The following TYW1 variants were observed in gnomAD, a reference collection of about 807,000 sequenced individuals.
TYW1 encodes the protein S-adenosyl-L-methionine-dependent tRNA 4-demethylwyosine synthase TYW1.
Under a neutral mutation model 96.2 loss-of-function variants are expected in TYW1, and 46 were observed. The observed-to-expected ratio is 0.48, with a 90% CI of 0.38 to 0.61. TYW1 has a LOEUF of 0.61. TYW1 is among the 20% of genes least tolerant of loss of function. The probability of loss-of-function intolerance (pLI) is 0.00; values close to 1 mark genes in which losing one functional copy is unlikely to be tolerated. For missense variants in TYW1, 684 were observed against 909.6 expected (o/e 0.75, Z 3.19); for synonymous variants, 274 against 323.0 (o/e 0.85, Z 1.63).
At position 67,051,923 on chromosome 7, in the gene TYW1, A is replaced by G. The variant is rs537260358; in HGVS notation, c.1102+1857A>G. Among the ~76,000 whole-genome samples, 43 of 152,184 alleles carry G rather than the reference A, an allele frequency of 2.8e-4. No homozygotes were observed. The South Asian group carries it at 8.7e-3, about 31-fold the overall frequency. The stretch of plus-strand genomic sequence containing the variant: ...AATTTTTTGCTGGATATAGAATTGT[A>G]GGTTGACAGCTGTTTTTTCCTTCAG... On this transcript the variant is annotated intron_variant, in intron 8 of 15. Transcript: ENST00000359626.
chr7:67,186,169 A>G (rs1338329630), intron 14 of TYW1, among the ~76,000 whole-genome samples: 1 of 145,288 alleles, frequency 6.9e-6, no homozygotes, highest in Non-Finnish European at 1.5e-5. Flanking sequence ...TGATTTAGCT[A>G]TTAAAGAATG....
rs1330727116 is a variant in TYW1 at position 67,204,687 on chromosome 7, G to A, written c.1977+9350G>A. On this transcript the variant is annotated intron_variant, in intron 15 of 15. Transcript: ENST00000359626. ...TCGGCTCACTGCAACCTCCACCTCC[G>A]AGTTCAAGTGATTCTCCTGCCTCAG... Among the ~76,000 whole-genome samples the A allele has an allele frequency of 4.0e-5, 6 of 150,906 alleles. 1 individual carries two copies. In the South Asian group the frequency reaches 6.3e-4, roughly 16 times the overall value.
At chr7:67,101,822 G>A (rs965605701) in intron 12 of TYW1, among the ~76,000 whole-genome samples, 6 of 152,096 alleles carry the variant, frequency 3.9e-5, no homozygotes, top group African/African-American at 7.2e-5. Flanking sequence ...ATAGGAAATC[G>A]AAGAGTTGAT....
chr7:67,008,828 A>G (rs764773618), intron 3 of TYW1, among the ~76,000 whole-genome samples: 2 of 151,434 alleles, frequency 1.3e-5, no homozygotes, highest in Non-Finnish European at 2.9e-5. Flanking sequence ...ACGCTTGGCT[A>G]ATTTTGTATT....
intron 7 of TYW1, among the ~76,000 whole-genome samples, chr7:67,036,796 C>T (rs1217721165): frequency 6.6e-6 from 1 of 152,238 alleles, no homozygotes. Flanking sequence ...AGAGAATAAA[C>T]CATGAACTGG....
At chr7:67,044,114 T>G (rs1300103859) in intron 7 of TYW1, among the ~76,000 whole-genome samples, 1 of 139,764 alleles carries the variant, frequency 7.2e-6, no homozygotes, top group Non-Finnish European at 1.5e-5. Flanking sequence ...AATAAGAGTT[T>G]TTTTTTTTTT....
At chr7:67,122,003 A>T (rs550075080) in intron 13 of TYW1, among the ~76,000 whole-genome samples, 28 of 148,764 alleles carry the variant, frequency 1.9e-4, no homozygotes, top group African/African-American at 5.3e-4. Flanking sequence ...TCCTTTTTTT[A>T]AAAAAAGAGA....
intron 7 of TYW1, among the ~76,000 whole-genome samples, chr7:67,049,108 G>A (rs1172775522): frequency 2.0e-5 from 3 of 152,224 alleles, no homozygotes; most frequent in Non-Finnish European, 4.4e-5. Context: ...GGGTGGCTTA[G>A]AGTACTTTTT....
chr7:67,021,387 TAG>T (rs1324634974), intron 6 of TYW1, among the ~76,000 whole-genome samples: 2 of 152,280 alleles, frequency 1.3e-5, no homozygotes, highest in Non-Finnish European at 2.9e-5. Context: ...GAGTGACTGA[TAG>T]TAGCTGCATG....
At chr7:67,145,016 GAGGCCACT>G in intron 13 of TYW1, among the ~76,000 whole-genome samples, 1 of 150,166 alleles carries the variant, frequency 6.7e-6, no homozygotes, top group African/African-American at 2.5e-5. Context: ...GGCACTGAGA[GAGGCCACT>G]TTCCCATCCT....
At chr7:67,061,724 A>G (rs1469682123) in intron 9 of TYW1, among the ~76,000 whole-genome samples, 1 of 152,262 alleles carries the variant, frequency 6.6e-6, no homozygotes, top group South Asian at 2.1e-4. Context: ...AATAAAAATA[A>G]GAATACTAAT....
Position 67,036,248 on chromosome 7 carries a change from A to G in TYW1, c.984+11226A>G, listed in dbSNP as rs557870509. On this transcript the variant is annotated intron_variant, in intron 7 of 15. Transcript: ENST00000359626. Reference sequence around the variant, plus strand: ...TCGGAATCCTATTATGGCCCTATACAGAGAAGAGTGGCTGCTGGGGACTGG... The same window carrying G: ...TCGGAATCCTATTATGGCCCTATACGGAGAAGAGTGGCTGCTGGGGACTGG... Among the ~76,000 whole-genome samples, 9 of 150,730 alleles carry G rather than the reference A, an allele frequency of 6.0e-5. No homozygotes were observed. In the South Asian group the frequency reaches 1.7e-3, roughly 28 times the overall value.
intron 13 of TYW1, among the ~76,000 whole-genome samples, chr7:67,131,503 G>A (rs1457998272): frequency 6.6e-6 from 1 of 151,858 alleles, no homozygotes; most frequent in Admixed American, 6.6e-5. Flanking sequence ...TCTTTCAGAG[G>A]GAATCAGTAT....
rs1380374684 is a variant in TYW1, at chr7:67,089,509, C to G, written c.1384+5970C>G. ...TTTACCTCACTCTGGCTTGGAGAGT[C>G]CTTTGCTTTCTAGGGTGAGTTCCCA... On this transcript the variant is annotated intron_variant, in intron 11 of 15. Transcript: ENST00000359626. 9.5e-6 allele frequency: 8 copies of G among 842,786 alleles called. No individual in the cohort carries two copies. The African/African-American group carries it at 1.3e-4, about 14-fold the overall frequency. The allele number at this position is 842,786 out of a possible 1,614,324, so 52.2% of individuals were successfully genotyped here. A position where few individuals can be genotyped will look rare whatever the true frequency, so the allele number is the denominator to read the frequency against.
chr7:67,211,980 A>T (rs2116395461), intron 15 of TYW1, among the ~76,000 whole-genome samples: 1 of 152,298 alleles, frequency 6.6e-6, no homozygotes, highest in African/African-American at 2.4e-5. Flanking sequence ...ATTTAAAAAA[A>T]TTTGCATACA....
At chr7:67,040,897 T>G (rs1473405987) in intron 7 of TYW1, among the ~76,000 whole-genome samples, 3 of 152,054 alleles carry the variant, frequency 2.0e-5, no homozygotes, top group East Asian at 1.9e-4. Flanking sequence ...GTGAAGAGTT[T>G]GGGATAATTT....
intron 7 of TYW1, among the ~76,000 whole-genome samples, chr7:67,039,701 G>C (rs1043099162): frequency 2.7e-5 from 4 of 149,786 alleles, no homozygotes; most frequent in African/African-American, 9.9e-5. Flanking sequence ...GTCTCACTCT[G>C]TCATCAGGCT....
intron 7 of TYW1, among the ~76,000 whole-genome samples, chr7:67,049,540 A>T (rs1275812556): frequency 1.3e-5 from 2 of 151,870 alleles, no homozygotes; most frequent in Non-Finnish European, 2.9e-5. Flanking sequence ...TTTTTTTTTA[A>T]ATTATTTATA....
At chr7:67,043,359 C>CCT (rs1795088721) in intron 7 of TYW1, among the ~76,000 whole-genome samples, 1 of 143,018 alleles carries the variant, frequency 7.0e-6, no homozygotes, top group Non-Finnish European at 1.5e-5. Flanking sequence ...CCCATTGCTA[C>CCT]TTTTTTTTTT....
Sources: gnomAD v4.1 joint callset for allele counts (sites outside exome capture counted in the v4.1 genomes callset) on GRCh38, gnomAD v4.1.1 for gene constraint, MANE v1.5 for transcripts, NCBI Gene and HGNC (gene_info 2026-07-23, HGNC 2026-07-21) for gene names.